Variants in VPS13B observed in about 807,000 individuals in gnomAD.
VPS13B encodes vacuolar protein sorting 13 homolog B.
In VPS13B, 285 loss-of-function variants were observed where a neutral mutation model predicts 426.4. The ratio of observed to expected loss-of-function variants is 0.67; its 90% CI spans 0.61 to 0.74. The LOEUF is 0.74. Among genes scored for constraint, VPS13B ranks in the 30% least tolerant of loss-of-function variants. VPS13B has a pLI of 0.00. For synonymous variants in VPS13B, 1,676 were observed against 1,676.4 expected (o/e 1.00, Z 0.01); for missense variants, 4,537 against 4,782.6 (o/e 0.95, Z 1.51).
intron 21 of VPS13B, among the ~76,000 whole-genome samples, chr8:99,423,334 G>T (rs1159374678): frequency 1.3e-5 from 2 of 151,666 alleles, no homozygotes; most frequent in Non-Finnish European, 2.9e-5. Context: ...TTGACTCACT[G>T]CAGCCTTGAC....
At chr8:99,312,483 G>C (rs1379803965) in intron 19 of VPS13B, among the ~76,000 whole-genome samples, 1 of 152,210 alleles carries the variant, frequency 6.6e-6, no homozygotes, top group Non-Finnish European at 1.5e-5. Context: ...CTTTAAGAAT[G>C]TTGAATATTG....
intron 33 of VPS13B, among the ~76,000 whole-genome samples, chr8:99,602,948 T>C (rs988954260): frequency 2.0e-5 from 3 of 152,292 alleles, no homozygotes; most frequent in Non-Finnish European, 4.4e-5. Context: ...AAAATGGCCA[T>C]ACTGCCCAAA....
chr8:99,427,861 G>A (rs963197668), intron 21 of VPS13B, among the ~76,000 whole-genome samples: 4 of 152,206 alleles, frequency 2.6e-5, no homozygotes, highest in South Asian at 2.1e-4. Flanking sequence ...AAAGCTGGAG[G>A]TATCAGGCTA....
intron 59 of VPS13B, among the ~76,000 whole-genome samples, chr8:99,869,919 A>C (rs12546882): frequency 0.24 from 36,306 of 152,226 alleles, 5,534 homozygotes; most frequent in African/African-American, 0.43. Context: ...TGGAGAGTCT[A>C]TGTAAAGGCC....
At chr8:99,540,843 A>G (rs1823578717) in intron 30 of VPS13B, among the ~76,000 whole-genome samples, 1 of 152,170 alleles carries the variant, frequency 6.6e-6, no homozygotes, top group Non-Finnish European at 1.5e-5. Flanking sequence ...CCTATTTCGA[A>G]TAACTGTACT....
rs190622744 is a variant in VPS13B at position 99,582,703 on chromosome 8, A to T, written c.5220+5070A>T. On this transcript the variant is annotated intron_variant, in intron 33 of 61. Transcript: ENST00000357162. ...TGGAGTCTCGCTCTGTCTCCCAGGC[A>T]GGAGTGCAGTGGCGCAATCTCGGCT... 9.6e-4 allele frequency among the ~76,000 whole-genome samples: 146 copies of T among 151,760 alleles called. 1 individual carries two copies. Among genetic ancestry groups the T allele is most frequent in the Admixed American group, 2.7e-3 (41 of 15,246 alleles).
At chr8:99,015,226 T>G (rs1293105800) in intron 2 of VPS13B, among the ~76,000 whole-genome samples, 2 of 150,308 alleles carry the variant, frequency 1.3e-5, no homozygotes, top group East Asian at 3.9e-4. Flanking sequence ...TTTTTTTTTT[T>G]TTTTTTTTGA....
rs531345844 is a variant in VPS13B, at chr8:99,817,873, C to T, written c.8361+70C>T. ...AAATTTTCTCAAAATGTTCTTTACT[C>T]GTACAGCACTTAATTTATTAAAAAG... On this transcript the variant is annotated intron_variant, in intron 45 of 61. Transcript: ENST00000357162. 321 of 1,606,496 alleles carry T rather than the reference C, an allele frequency of 2.0e-4. 1 individual carries two copies. Among genetic ancestry groups the T allele is most frequent in the African/African-American group, 2.0e-4 (15 of 74,754 alleles).
intron 39 of VPS13B, 78 bp from the exon 40 acceptor site, chr8:99,766,696 A>G: frequency 8.0e-7 from 1 of 1,249,640 alleles, no homozygotes. Flanking sequence ...ATTTTTATAA[A>G]GGTTTAATTT....
chr8:99,818,189 C>A (rs1158812965), intron 45 of VPS13B, among the ~76,000 whole-genome samples: 1 of 152,274 alleles, frequency 6.6e-6, no homozygotes, highest in South Asian at 2.1e-4. Context: ...AGGATAAATT[C>A]TCTTTCATTT....
intron 37 of VPS13B, among the ~76,000 whole-genome samples, chr8:99,719,888 C>G: frequency 6.6e-6 from 1 of 152,118 alleles, no homozygotes; most frequent in East Asian, 1.9e-4. Flanking sequence ...AAATCTCCCT[C>G]TAAAAGTGCA....
intron 7 of VPS13B, chr8:99,120,355 A>T (rs1315203589): frequency 6.6e-6 from 1 of 152,166 alleles, no homozygotes; most frequent in African/African-American, 2.4e-5. Flanking sequence ...CCTGGCCCCT[A>T]TGAAATTTTT....
intron 16 of VPS13B, among the ~76,000 whole-genome samples, chr8:99,182,623 G>C (rs1325108809): frequency 6.6e-6 from 1 of 152,130 alleles, no homozygotes; most frequent in Admixed American, 6.5e-5. Context: ...AGCACTTTCT[G>C]TGTATTCTAG....
intron 33 of VPS13B, among the ~76,000 whole-genome samples, chr8:99,608,143 T>A (rs1374929080): frequency 6.7e-6 from 1 of 149,596 alleles, no homozygotes; most frequent in Non-Finnish European, 1.5e-5. Context: ...GTATATTTTT[T>A]AATCTACTTT....
Position 99,467,402 on chromosome 8 carries a change from C to T in VPS13B, c.3446-12C>T. 2 of 1,611,714 alleles carry T rather than the reference C, an allele frequency of 1.2e-6. No homozygotes were observed. Among genetic ancestry groups the T allele is most frequent in the South Asian group, 2.2e-5 (2 of 91,020 alleles). On this transcript the variant is annotated splice_polypyrimidine_tract_variant and intron_variant, in intron 23 of 61. Transcript: ENST00000357162. The stretch of plus-strand genomic sequence containing the variant: ...TGTGTGCTTCCCTATTCCCTTTTAT[C>T]CCCTATATCAGGTGATGCTTTTCCT...
At chr8:99,623,586 T>A (rs1242100669) in intron 33 of VPS13B, among the ~76,000 whole-genome samples, 1 of 152,110 alleles carries the variant, frequency 6.6e-6, no homozygotes, top group Non-Finnish European at 1.5e-5. Flanking sequence ...AATTAATGAA[T>A]CACCGCAAAG....
rs1311930111 is a variant in VPS13B, at chr8:99,697,538, GAGGACGTGC to G, written c.6047-1981_6047-1973del. 5.5e-6 allele frequency: 4 copies of G among 724,696 alleles called. No homozygotes were observed. In the African/African-American group the frequency reaches 7.0e-5, roughly 13 times the overall value. The allele number at this position is 724,696 out of a possible 1,614,324, so 44.9% of individuals were successfully genotyped here. The stretch of plus-strand genomic sequence containing the variant: ...GAAGGAGGAGCTGGAGCTGCTGAAG[GAGGACGTGC>G]AGGACTACAGCGAGAACATGCAAGA... On this transcript the variant is annotated intron_variant, in intron 35 of 61. Transcript: ENST00000357162.
At chr8:99,514,508 A>G (rs1470709521) in intron 29 of VPS13B, among the ~76,000 whole-genome samples, 1 of 152,162 alleles carries the variant, frequency 6.6e-6, no homozygotes, top group Non-Finnish European at 1.5e-5. Flanking sequence ...TACTCTAGAA[A>G]TTTCATGTAA....
chr8:99,020,342 T>C (rs1841824534), intron 2 of VPS13B, among the ~76,000 whole-genome samples: 1 of 152,104 alleles, frequency 6.6e-6, no homozygotes, highest in African/African-American at 2.4e-5. Context: ...TTGTTTTTTG[T>C]TGTTGTTGAG....
Sources: gnomAD v4.1 joint callset for allele counts (sites outside exome capture counted in the v4.1 genomes callset) on GRCh38, gnomAD v4.1.1 for gene constraint, MANE v1.5 for transcripts, NCBI Gene and HGNC (gene_info 2026-07-23, HGNC 2026-07-21) for gene names.